The following DNAH14 variants were observed in gnomAD, a reference collection of about 807,000 sequenced individuals.
DNAH14 encodes dynein axonemal heavy chain 14.
Under a neutral mutation model 520.9 loss-of-function variants are expected in DNAH14, and 478 were observed. The observed-to-expected ratio is 0.92, with a 90% CI of 0.85 to 0.99. DNAH14 has a LOEUF of 0.99. Among genes scored for constraint, DNAH14 ranks in the 50% least tolerant of loss-of-function variants. The pLI, the probability that DNAH14 is intolerant of heterozygous loss-of-function variation, is 0.00. For synonymous variants in DNAH14, 1,581 were observed against 1,757.2 expected (o/e 0.90, Z 2.51); for missense variants, 4,831 against 5,234.5 (o/e 0.92, Z 2.38).
At chr1:224,974,061 A>G in intron 7 of DNAH14, 30 bp from the exon 8 acceptor site, 1 of 1,415,204 alleles carries the variant, frequency 7.1e-7, no homozygotes, top group Admixed American at 2.6e-5. Flanking sequence ...GTTTATGGAT[A>G]TGGAATATAA....
intron 84 of DNAH14, among the ~76,000 whole-genome samples, chr1:225,393,110 T>C (rs1172426687): frequency 6.6e-6 from 1 of 152,210 alleles, no homozygotes; most frequent in Non-Finnish European, 1.5e-5. Flanking sequence ...TTGGGAGACA[T>C]TGGTTTAAAG....
intron 38 of DNAH14, among the ~76,000 whole-genome samples, chr1:225,197,456 G>A (rs1405210107): frequency 6.6e-6 from 1 of 152,054 alleles, no homozygotes; most frequent in Non-Finnish European, 1.5e-5. Context: ...TTATAGTATA[G>A]CCTGAAATCA....
rs1456351067 is a variant in DNAH14 at position 225,360,896 on chromosome 1, G to A, written c.11987+5G>A. The A allele has an allele frequency of 1.3e-6, 2 of 1,550,390 alleles. No homozygotes were observed. Among genetic ancestry groups the A allele is most frequent in the Admixed American group, 3.9e-5 (2 of 50,950 alleles). On this transcript the variant is annotated splice_donor_5th_base_variant and intron_variant, in intron 75 of 85. Transcript: ENST00000682510. Reference sequence around the variant, plus strand: ...GCTTTGCACAATTGTAGAATCGTAAGAGTTTTACATTTATCTGTAAGGGAT... The same window carrying A: ...GCTTTGCACAATTGTAGAATCGTAAAAGTTTTACATTTATCTGTAAGGGAT...
In DNAH14 at chr1:225,156,784, G is replaced by C. The variant is rs1408816201; in HGVS notation, c.5274-2530G>C. 7.8e-5 allele frequency among the ~76,000 whole-genome samples: 10 copies of C among 128,972 alleles called. 1 individual carries two copies. The highest frequency in any genetic ancestry group is 8.4e-3 in the Middle Eastern group (2 of 238). 84.6% of individuals were successfully genotyped at this position (128,972 alleles called of 152,430 possible). ...GGCTGGAGTGCAGTGGCGGGATCTC[G>C]GCTCACTGCAAGCTCCGCCTCCCGG... is the stretch of plus-strand genomic sequence containing the variant. On this transcript the variant is annotated intron_variant, in intron 34 of 85. Coordinates refer to ENST00000682510, the MANE Select transcript of DNAH14 (RefSeq NM_001367479.1).
At chr1:225,328,079 G>T (rs1165425363) in intron 64 of DNAH14, among the ~76,000 whole-genome samples, 1 of 152,154 alleles carries the variant, frequency 6.6e-6, no homozygotes, top group Non-Finnish European at 1.5e-5. Flanking sequence ...TTGAGAGAGA[G>T]ATAGACATTC....
chr1:225,114,517 C>T (rs1233375747), intron 23 of DNAH14, among the ~76,000 whole-genome samples: 1 of 152,110 alleles, frequency 6.6e-6, no homozygotes, highest in Non-Finnish European at 1.5e-5. Flanking sequence ...GATCATGTGT[C>T]CCCCCAGTCC....
At chr1:225,058,180 G>A (rs1474936362) in intron 17 of DNAH14, among the ~76,000 whole-genome samples, 1 of 152,040 alleles carries the variant, frequency 6.6e-6, no homozygotes, top group African/African-American at 2.4e-5. Context: ...TTGGTTGGTA[G>A]GCTATTAATT....
intron 61 of DNAH14, among the ~76,000 whole-genome samples, chr1:225,322,149 G>A (rs2094569248): frequency 7.4e-6 from 1 of 135,862 alleles, no homozygotes. Context: ...GGAGAACAGT[G>A]GCGTGATCTT....
At chr1:225,149,062 CTTCCAGGGTTTTTATAGT>C (rs559390854) in intron 31 of DNAH14, among the ~76,000 whole-genome samples, 3,779 of 152,224 alleles carry the variant, frequency 0.025, 123 homozygotes, top group African/African-American at 0.077. Context: ...CCTAGGTTGT[CTTCCAGGGTTTTTATAGT>C]TTTGGGTTTT....
At chr1:224,962,103 C>T (rs2060882735) in intron 4 of DNAH14, among the ~76,000 whole-genome samples, 2 of 152,140 alleles carry the variant, frequency 1.3e-5, no homozygotes, top group Non-Finnish European at 2.9e-5. Flanking sequence ...GATTTAACAA[C>T]ATTTTGTCAT....
At chr1:225,343,286 CT>C (rs2095229357) in intron 69 of DNAH14, among the ~76,000 whole-genome samples, 1 of 152,150 alleles carries the variant, frequency 6.6e-6, no homozygotes, top group Non-Finnish European at 1.5e-5. Flanking sequence ...TGTTCTTAAC[CT>C]TTGACAAAGA....
Position 225,152,141 on chromosome 1 carries a change from A to G in DNAH14, c.5009+68A>G, listed in dbSNP as rs2080559427. ...TCATTTTCTTAAATCTTATCTACAG[A>G]TGGAGTTGCTTGACATTTGCATCTA... is the stretch of plus-strand genomic sequence containing the variant. On this transcript the variant is annotated intron_variant, in intron 32 of 85. Coordinates refer to ENST00000682510, the MANE Select transcript of DNAH14 (RefSeq NM_001367479.1). 8.8e-6 allele frequency: 12 copies of G among 1,368,396 alleles called. 1 individual carries two copies. Among genetic ancestry groups the G allele is most frequent in the East Asian group, 7.5e-5 (3 of 39,942 alleles). 84.8% of individuals were successfully genotyped at this position (1,368,396 alleles called of 1,614,324 possible).
intron 1 of DNAH14, among the ~76,000 whole-genome samples, chr1:224,936,390 C>T (rs1349091956): frequency 6.6e-6 from 1 of 151,558 alleles, no homozygotes; most frequent in African/African-American, 2.4e-5. Flanking sequence ...GGAGACACTA[C>T]AACTGATACC....
intron 17 of DNAH14, among the ~76,000 whole-genome samples, chr1:225,053,734 G>C (rs1156706067): frequency 6.6e-6 from 1 of 152,112 alleles, no homozygotes; most frequent in Non-Finnish European, 1.5e-5. Flanking sequence ...TGGGCAACAG[G>C]GTGGGCAGCA....
chr1:225,085,668 A>G lies in DNAH14; in HGVS notation c.3452A>G (p.His1151Arg), dbSNP rs2073675676. The change falls in exon 21 of 86, where the codon CAC (histidine) becomes CGC (arginine). Residue 1151 changes from histidine (H) to arginine (R), a missense_variant. By Grantham distance (29) the His-to-Arg change is conservative. Coordinates refer to ENST00000682510, the MANE Select transcript of DNAH14 (RefSeq NM_001367479.1). ...ACTACTCCTTTGCCTTTAATTCTTCACCACACAGAGATTTACTCTATCTTC... is the reference window on the plus strand; with the variant it reads ...ACTACTCCTTTGCCTTTAATTCTTCGCCACACAGAGATTTACTCTATCTTC... ...WNTTPLPLIL[H>R]HTEIYSIFII... is the part of the protein sequence containing the mutation. 1 of 1,551,244 alleles carries G rather than the reference A, an allele frequency of 6.4e-7. No individual in the cohort carries two copies. The highest frequency in any genetic ancestry group is 1.2e-5 in the South Asian group (1 of 84,058).
At chr1:225,169,430 C>T (rs141003600) in intron 36 of DNAH14, among the ~76,000 whole-genome samples, 7,113 of 152,186 alleles carry the variant, frequency 0.047, 513 homozygotes, top group African/African-American at 0.16. Context: ...ACTACAATAA[C>T]CAATGCAGAG....
At chr1:225,120,153 G>A (rs1172517457) in intron 26 of DNAH14, among the ~76,000 whole-genome samples, 1 of 152,138 alleles carries the variant, frequency 6.6e-6, no homozygotes, top group Non-Finnish European at 1.5e-5. Context: ...GGATAATTTG[G>A]CAGGTAGGGG....
Position 225,050,464 on chromosome 1 carries a change from A to G in DNAH14, c.2079+88A>G, listed in dbSNP as rs536949721. On this transcript the variant is annotated intron_variant, in intron 16 of 85. Coordinates refer to ENST00000682510, the MANE Select transcript of DNAH14 (RefSeq NM_001367479.1). Reference sequence around the variant, plus strand: ...AATGAAATGAATTTATTGAAAAATTAGGGTATCCTATTCATAGCAATTGAA... The same window carrying G: ...AATGAAATGAATTTATTGAAAAATTGGGGTATCCTATTCATAGCAATTGAA... 3.7e-4 allele frequency: 495 copies of G among 1,347,250 alleles called. 3 individuals carry two copies. In the South Asian group the frequency reaches 7.2e-3, roughly 20 times the overall value. 83.5% of individuals were successfully genotyped at this position (1,347,250 alleles called of 1,614,324 possible).
chr1:225,362,772 C>G (rs1311208089), intron 75 of DNAH14, among the ~76,000 whole-genome samples: 1 of 151,990 alleles, frequency 6.6e-6, no homozygotes, highest in Non-Finnish European at 1.5e-5. Flanking sequence ...ACCACTCTAC[C>G]AGTCCACAGT....
Sources: allele counts gnomAD v4.1 joint callset (sites outside exome capture counted in the v4.1 genomes callset), GRCh38; gene constraint gnomAD v4.1.1; transcripts MANE v1.5; gene names NCBI Gene and HGNC (gene_info 2026-07-23, HGNC 2026-07-21).